LOC400499: variants seen among roughly 807,000 people sequenced by gnomAD.
the LOC400499 span, chr16:11,478,038 C>T: frequency 2.5e-6 from 1 of 396,922 alleles, no homozygotes; most frequent in South Asian, 1.3e-4. Flanking sequence ...GGGGGCCGGG[C>T]TCGGTGGCTC....
chr16:11,452,581 G>A, the LOC400499 span, among the ~76,000 whole-genome samples: 25 of 152,218 alleles, frequency 1.6e-4, no homozygotes, highest in African/African-American at 5.3e-4. Context: ...TTGGAACTCC[G>A]GAGCTGGAAG....
chr16:11,411,037 G>A, the LOC400499 span, among the ~76,000 whole-genome samples: 6 of 152,166 alleles, frequency 3.9e-5, no homozygotes, highest in Non-Finnish European at 7.3e-5. Flanking sequence ...AGCCTGACTG[G>A]GGGCCACGGG....
chr16:11,433,027 A>G, the LOC400499 span, among the ~76,000 whole-genome samples: 1 of 152,220 alleles, frequency 6.6e-6, no homozygotes, highest in Non-Finnish European at 1.5e-5. Context: ...CTTGTGGGCC[A>G]AAGCTGGCCC....
At chr16:11,492,415 C>T in the LOC400499 span, among the ~76,000 whole-genome samples, 12 of 152,210 alleles carry the variant, frequency 7.9e-5, no homozygotes, top group East Asian at 2.3e-3. Context: ...AAGACCAACT[C>T]AGCCCCTGTC....
the LOC400499 span, chr16:11,460,841 C>T: frequency 6.1e-5 from 81 of 1,331,460 alleles, no homozygotes; most frequent in Non-Finnish European, 7.9e-5. Context: ...TCAGAGCCAA[C>T]AGAATGACTA....
chr16:11,426,254 G>C, the LOC400499 span, among the ~76,000 whole-genome samples: 1 of 151,988 alleles, frequency 6.6e-6, no homozygotes, highest in East Asian at 1.9e-4. Context: ...TGGTCAACAT[G>C]GTGAAACCCT....
chr16:11,483,860 G>A, the LOC400499 span, among the ~76,000 whole-genome samples: 1 of 151,932 alleles, frequency 6.6e-6, no homozygotes, highest in Non-Finnish European at 1.5e-5. Flanking sequence ...GGGTGACAGA[G>A]TGAGACTGTC....
the LOC400499 span, among the ~76,000 whole-genome samples, chr16:11,429,543 G>C: frequency 4.6e-5 from 7 of 152,126 alleles, no homozygotes; most frequent in African/African-American, 1.4e-4. Context: ...GTGTGATCTT[G>C]GCTCACTGCA....
the LOC400499 span, chr16:11,383,581 C>T: frequency 3.3e-6 from 4 of 1,230,738 alleles, no homozygotes; most frequent in Non-Finnish European, 4.1e-6. Flanking sequence ...ACTGGTTTTC[C>T]CTCTGGCCTG....
At chr16:11,480,319 G>A in the LOC400499 span, among the ~76,000 whole-genome samples, 1 of 152,180 alleles carries the variant, frequency 6.6e-6, no homozygotes, top group South Asian at 2.1e-4. Context: ...GCTGCCCCCA[G>A]CTCTAGTCCA....
the LOC400499 span, among the ~76,000 whole-genome samples, chr16:11,517,043 C>G: frequency 1.3e-5 from 2 of 152,146 alleles, no homozygotes; most frequent in Non-Finnish European, 2.9e-5. Flanking sequence ...AAAGACAGAT[C>G]CTCCAAAAGG....
chr16:11,378,251 CT>C, the LOC400499 span, among the ~76,000 whole-genome samples: 489 of 65,170 alleles, frequency 7.5e-3, 2 homozygotes, highest in African/African-American at 0.015. Context: ...CTTTTTTTTT[CT>C]TTTTTTTTTT....
chr16:11,447,897 T>C, the LOC400499 span: 9 of 1,514,942 alleles, frequency 5.9e-6, no homozygotes, highest in Non-Finnish European at 7.9e-6. Flanking sequence ...AGGGGAAACT[T>C]GCAGGGGTGT....
chr16:11,389,283 C>G, the LOC400499 span, among the ~76,000 whole-genome samples: 1 of 152,242 alleles, frequency 6.6e-6, no homozygotes, highest in Non-Finnish European at 1.5e-5. Flanking sequence ...CATTTGCTAC[C>G]TAACGTATAG....
the LOC400499 span, chr16:11,514,664 G>A: frequency 5.0e-6 from 2 of 397,944 alleles, no homozygotes; most frequent in Non-Finnish European, 8.8e-6. Flanking sequence ...TCCCCACTCA[G>A]CGAGGCTGGG....
chr16:11,398,644 C>G, the LOC400499 span: 2 of 598,154 alleles, frequency 3.3e-6, no homozygotes, highest in African/African-American at 1.9e-5. Context: ...AGCCACAGCA[C>G]CCCCTTACAC....
the LOC400499 span, among the ~76,000 whole-genome samples, chr16:11,411,825 T>A: frequency 6.7e-6 from 1 of 149,962 alleles, no homozygotes. Context: ...CAGGCCAGGG[T>A]GGTTACAATC....
At chr16:11,470,020 A>C in the LOC400499 span, among the ~76,000 whole-genome samples, 1 of 152,066 alleles carries the variant, frequency 6.6e-6, no homozygotes, top group South Asian at 2.1e-4. Flanking sequence ...CTCCTGCCTC[A>C]GCCTCCTGAG....
chr16:11,401,987 G>T, the LOC400499 span: 1 of 399,206 alleles, frequency 2.5e-6, no homozygotes, highest in South Asian at 1.3e-4. Context: ...TCAGCCTGCA[G>T]GGTGGAGTTC....
Sources: gnomAD v4.1 joint callset for allele counts (sites outside exome capture counted in the v4.1 genomes callset) on GRCh38, gnomAD v4.1.1 for gene constraint, MANE v1.5 for transcripts.